The following EPHA5 variants were observed in gnomAD, a reference collection of about 807,000 sequenced individuals.
EPHA5 encodes the protein ephrin type-A receptor 5.
In EPHA5, 60 loss-of-function variants were observed where a neutral mutation model predicts 105.0. The observed-to-expected ratio is 0.57, with a 90% confidence interval of 0.46 to 0.71. EPHA5 has a LOEUF of 0.71. Among genes scored for constraint, EPHA5 ranks in the 30% least tolerant of loss-of-function variants. The pLI, the probability that EPHA5 is intolerant of heterozygous loss-of-function variation, is 0.00. For missense variants in EPHA5, 1,218 were observed against 1,274.7 expected (o/e 0.96, Z 0.68); for synonymous variants, 513 against 449.1 (o/e 1.14, Z -1.80).
At chr4:65,567,028 C>T (rs1739612295) in intron 3 of EPHA5, among the ~76,000 whole-genome samples, 1 of 151,610 alleles carries the variant, frequency 6.6e-6, no homozygotes, top group South Asian at 2.1e-4. Flanking sequence ...TATACAAACA[C>T]TCCACACTTT....
intron 3 of EPHA5, among the ~76,000 whole-genome samples, chr4:65,548,149 A>T (rs1020146283): frequency 1.3e-4 from 17 of 131,122 alleles, no homozygotes; most frequent in Non-Finnish European, 2.3e-4. Context: ...GGAGTTATCA[A>T]AATGGATATT....
At position 65,420,557 on chromosome 4, in the gene EPHA5, G is replaced by C. The variant is rs915451850; in HGVS notation, c.1411C>G (p.Pro471Ala). ...TTCCCTTTTTTCACATTGGTGACTG[G>C]AGATGGAGCTGCAAAATAGTTTAAA... ...NVTTNQAAPSPVTNVKKGKIA... is the reference protein window; with the variant it reads ...NVTTNQAAPSAVTNVKKGKIA... The change falls in exon 6 of 17, where the codon CCA becomes GCA. Residue 471 changes from proline to alanine, a missense_variant. By Grantham distance (27) the Pro-to-Ala change is conservative. This residue lies in a region of EPHA5 where 971 missense variants were observed against 1,013.5 expected (regional missense o/e 0.96). Coordinates refer to ENST00000613740, the MANE Select transcript of EPHA5 (RefSeq NM_001281766.3). 8.1e-6 allele frequency: 13 copies of C among 1,612,478 alleles called. No homozygotes were observed. In the African/African-American group the frequency reaches 1.7e-4, roughly 22 times the overall value.
At chr4:65,363,976 C>T (rs1214181884) in intron 11 of EPHA5, among the ~76,000 whole-genome samples, 1 of 151,504 alleles carries the variant, frequency 6.6e-6, no homozygotes, top group Admixed American at 6.6e-5. Flanking sequence ...GCTGTTTCCT[C>T]TGCCTGCCTC....
chr4:65,531,172 G>A (rs898768636), intron 3 of EPHA5, among the ~76,000 whole-genome samples: 1 of 150,768 alleles, frequency 6.6e-6, no homozygotes, highest in Non-Finnish European at 1.5e-5. Flanking sequence ...CGAGTAGCTG[G>A]GACTACAGGC....
chr4:65,481,859 A>G (rs377172217), intron 5 of EPHA5, among the ~76,000 whole-genome samples: 2 of 152,334 alleles, frequency 1.3e-5, no homozygotes, highest in East Asian at 3.9e-4. Context: ...GGTGCTAAAT[A>G]CTTCTTCAAT....
At chr4:65,435,422 G>A (rs957534507) in intron 5 of EPHA5, among the ~76,000 whole-genome samples, 1 of 151,982 alleles carries the variant, frequency 6.6e-6, no homozygotes, top group Non-Finnish European at 1.5e-5. Flanking sequence ...CATCTTCAAA[G>A]GATTCTTTTA....
At chr4:65,408,302 A>C (rs1319648609) in intron 7 of EPHA5, among the ~76,000 whole-genome samples, 1 of 152,108 alleles carries the variant, frequency 6.6e-6, no homozygotes, top group South Asian at 2.1e-4. Flanking sequence ...TTAATCTTTA[A>C]GATATATACC....
At chr4:65,562,050 A>G (rs1370040598) in intron 3 of EPHA5, among the ~76,000 whole-genome samples, 3 of 152,110 alleles carry the variant, frequency 2.0e-5, no homozygotes, top group African/African-American at 7.2e-5. Flanking sequence ...CTTCAACTGA[A>G]TATCACAGAG....
intron 3 of EPHA5, among the ~76,000 whole-genome samples, 189 bp from the exon 4 acceptor site, chr4:65,495,732 A>T (rs1480062706): frequency 1.3e-5 from 2 of 152,212 alleles, no homozygotes; most frequent in Non-Finnish European, 2.9e-5. Context: ...TCAAATATTT[A>T]TTTAAAGTAC....
At chr4:65,557,266 A>T (rs1016538988) in intron 3 of EPHA5, among the ~76,000 whole-genome samples, 5 of 136,562 alleles carry the variant, frequency 3.7e-5, no homozygotes, top group African/African-American at 1.3e-4. Context: ...ATATTCTCAC[A>T]CTTTGTTATT....
Position 65,669,547 on chromosome 4 carries a change from C to G in EPHA5, c.181+15G>C. ...CCGCCCCAGGTCGCCACGGTCCCCA[C>G]CCCCATCTCCCTACCTTCGTTGCTG... On this transcript the variant is annotated intron_variant, in intron 1 of 16. Coordinates refer to ENST00000613740, the MANE Select transcript of EPHA5 (RefSeq NM_001281766.3). 7.3e-7 allele frequency: 1 copy of G among 1,376,306 alleles called. No individual in the cohort carries two copies. Among genetic ancestry groups the G allele is most frequent in the Non-Finnish European group, 9.4e-7 (1 of 1,058,742 alleles). 85.3% of individuals were successfully genotyped at this position (1,376,306 alleles called of 1,614,324 possible). A position where few individuals can be genotyped will look rare whatever the true frequency, so the allele number is the denominator to read the frequency against.
At chr4:65,405,669 A>G (rs1020563353) in intron 7 of EPHA5, among the ~76,000 whole-genome samples, 1 of 152,160 alleles carries the variant, frequency 6.6e-6, no homozygotes, top group East Asian at 1.9e-4. Context: ...TATTTTCAAT[A>G]TAAGTCAGTG....
At chr4:65,505,995 C>T (rs544565343) in intron 3 of EPHA5, among the ~76,000 whole-genome samples, 1 of 152,144 alleles carries the variant, frequency 6.6e-6, no homozygotes, top group African/African-American at 2.4e-5. Flanking sequence ...TGCTATCCCT[C>T]CCTGCTCTGC....
chr4:65,364,241 G>A (rs972147276), intron 11 of EPHA5, among the ~76,000 whole-genome samples: 6 of 151,444 alleles, frequency 4.0e-5, no homozygotes, highest in Non-Finnish European at 8.9e-5. Flanking sequence ...TATGGATTTC[G>A]GTAACTTATG....
rs1560458079 is a variant in EPHA5 at position 65,365,674 on chromosome 4, TATATATATATATATA to T, written c.1987+243_1987+257del. ...CTATATATATATATATATATATATA[TATATATATATATATA>T]GTGAAACATTATCTATTTAAAATAT... On this transcript the variant is annotated intron_variant, in intron 10 of 16. Transcript: ENST00000613740. 1.8e-4 allele frequency among the ~76,000 whole-genome samples: 19 copies of T among 107,356 alleles called. 2 individuals are homozygous for T. Among genetic ancestry groups the T allele is most frequent in the Non-Finnish European group, 2.5e-4 (12 of 47,514 alleles). 70.4% of individuals were successfully genotyped at this position (107,356 alleles called of 152,430 possible). A position where few individuals can be genotyped will look rare whatever the true frequency, so the allele number is the denominator to read the frequency against.
chr4:65,530,036 G>T (rs1039093988), intron 3 of EPHA5, among the ~76,000 whole-genome samples: 3 of 152,048 alleles, frequency 2.0e-5, no homozygotes, highest in Non-Finnish European at 4.4e-5. Context: ...TGTTGTGACA[G>T]GTGCCAGGTG....
At chr4:65,399,174 T>C (rs1177397931) in intron 8 of EPHA5, among the ~76,000 whole-genome samples, 2 of 152,132 alleles carry the variant, frequency 1.3e-5, no homozygotes, top group African/African-American at 2.4e-5. Context: ...ATTCCCCTCA[T>C]CCAGACATGG....
chr4:65,386,693 TTGTTA>T (rs758940808), intron 8 of EPHA5, among the ~76,000 whole-genome samples: 2 of 151,958 alleles, frequency 1.3e-5, no homozygotes, highest in African/African-American at 2.4e-5. Context: ...AAATTTTATA[TTGTTA>T]TGTTAAGTAA....
At chr4:65,640,282 C>CTTTTTTTTTTTTTTTTTTTTTTTTTTT (rs869149037) in intron 2 of EPHA5, among the ~76,000 whole-genome samples, 2 of 92,224 alleles carry the variant, frequency 2.2e-5, no homozygotes, top group South Asian at 4.0e-4. Context: ...TCAGTTTTTT[C>CTTTTTTTTTTTTTTTTTTTTTTTTTTT]TTTTTTTTTT....
Sources: allele counts gnomAD v4.1 joint callset (sites outside exome capture counted in the v4.1 genomes callset), GRCh38; gene constraint gnomAD v4.1.1; regional missense constraint gnomAD v4.1.1; transcripts MANE v1.5; gene names NCBI Gene and HGNC (gene_info 2026-07-23, HGNC 2026-07-21).